Variants in CSNK1A1 observed in about 807,000 individuals in gnomAD.
CSNK1A1 encodes casein kinase I isoform alpha.
Under a neutral mutation model 46.1 loss-of-function variants are expected in CSNK1A1, and 7 were observed. The observed-to-expected ratio is 0.15, with a 90% CI of 0.09 to 0.29. The LOEUF (loss-of-function observed/expected upper bound fraction) is 0.29. Among genes scored for constraint, CSNK1A1 ranks in the 10% least tolerant of loss-of-function variants. The pLI is 1.00. For synonymous variants in CSNK1A1, 137 were observed against 141.5 expected, an observed-to-expected ratio of 0.97 and a Z score of 0.23; for missense variants, 96 against 417.1, an observed-to-expected ratio of 0.23 and a Z score of 6.71.
intron 9 of CSNK1A1, chr5:149,503,957 T>C (rs1760951742): frequency 1.0e-6 from 1 of 985,388 alleles, no homozygotes; most frequent in Non-Finnish European, 1.2e-6. Context: ...ATACTATAGG[T>C]TGTCAGGTGT....
At chr5:149,542,648 A>ATATATGTATG (rs1762318572) in intron 2 of CSNK1A1, among the ~76,000 whole-genome samples, 1 of 5,618 alleles carries the variant, frequency 1.8e-4, no homozygotes, top group Non-Finnish European at 2.7e-4. Flanking sequence ...ATGTATATAT[A>ATATATGTATG]TATATATATA....
chr5:149,521,270 CTTTT>C (rs909460651), intron 3 of CSNK1A1, among the ~76,000 whole-genome samples: 7 of 123,930 alleles, frequency 5.6e-5, no homozygotes, highest in Admixed American at 4.1e-4. Context: ...ATTTACTCTT[CTTTT>C]TTTTTTTTTT....
At chr5:149,542,614 A>T (rs1361533575) in intron 2 of CSNK1A1, among the ~76,000 whole-genome samples, 9 of 11,856 alleles carry the variant, frequency 7.6e-4, no homozygotes, top group East Asian at 0.014. Flanking sequence ...ATATATATAT[A>T]TATATATATA....
intron 2 of CSNK1A1, among the ~76,000 whole-genome samples, chr5:149,538,562 G>A (rs914802032): frequency 6.6e-6 from 1 of 152,188 alleles, no homozygotes; most frequent in East Asian, 1.9e-4. Flanking sequence ...TAGGATTTCT[G>A]TAAGTACAGC....
chr5:149,549,527 C>G (rs562679962), intron 2 of CSNK1A1: 2 of 701,704 alleles, frequency 2.9e-6, no homozygotes, highest in South Asian at 1.5e-5. Context: ...AAGGAGGAAT[C>G]AAGGAAGCAT....
At chr5:149,541,283 G>A (rs956400936) in intron 2 of CSNK1A1, among the ~76,000 whole-genome samples, 26 of 151,468 alleles carry the variant, frequency 1.7e-4, no homozygotes, top group African/African-American at 5.1e-4. Context: ...CTCCCGAGTA[G>A]CTGGGATTGC....
chr5:149,539,479 A>G (rs1390862633), intron 2 of CSNK1A1, among the ~76,000 whole-genome samples: 3 of 151,826 alleles, frequency 2.0e-5, no homozygotes, highest in Admixed American at 6.6e-5. Flanking sequence ...AAAAAAAAAA[A>G]AAAGAAAGAA....
rs150989849 is a variant in CSNK1A1, at chr5:149,544,758, T to TATATATATATATATATATATACAC, written c.230+5316_230+5317insGTGTATATATATATATATATATAT. On this transcript the variant is annotated intron_variant, in intron 2 of 9. Coordinates refer to ENST00000377843, the MANE Select transcript of CSNK1A1 (RefSeq NM_001892.6). ...AGCTTTATATATATATATATATATA[T>TATATATATATATATATATATACAC]ATATATAGTTATTGACCAATCATGT... 2.0e-3 allele frequency among the ~76,000 whole-genome samples: 259 copies of TATATATATATATATATATATACAC among 129,232 alleles called. 9 individuals are homozygous for TATATATATATATATATATATACAC. Among genetic ancestry groups the TATATATATATATATATATATACAC allele is most frequent in the African/African-American group, 7.6e-3 (241 of 31,510 alleles). 84.8% of individuals were successfully genotyped at this position (129,232 alleles called of 152,430 possible).
At chr5:149,497,166 A>G in intron 9 of CSNK1A1, 1 of 1,115,132 alleles carries the variant, frequency 9.0e-7, no homozygotes, top group Non-Finnish European at 1.1e-6. Context: ...ACATATGCAG[A>G]ACATATTAGG....
rs1762334863 is a variant in CSNK1A1 at position 149,542,678 on chromosome 5, A to ATG, written c.230+7396_230+7397insCA. Among the ~76,000 whole-genome samples the ATG allele has an allele frequency of 4.1e-3, 46 of 11,148 alleles. 1 individual carries two copies. The highest frequency in any genetic ancestry group is 0.022 in the African/African-American group (45 of 2,082). 7.3% of individuals were successfully genotyped at this position (11,148 alleles called of 152,430 possible). A position where few individuals can be genotyped will look rare whatever the true frequency, so the allele number is the denominator to read the frequency against. ...TATATATATATATATATATGTATAT[A>ATG]TATATATATATATATTTTTTTTTTT... On this transcript the variant is annotated intron_variant, in intron 2 of 9. Transcript: ENST00000377843.
chr5:149,498,198 TAATA>T (rs1486214573), intron 9 of CSNK1A1: 10 of 985,116 alleles, frequency 1.0e-5, no homozygotes, highest in Non-Finnish European at 1.2e-5. Context: ...AAAATAATTC[TAATA>T]TTTATTTCTT....
intron 6 of CSNK1A1, 49 bp from the exon 7 acceptor site, chr5:149,510,002 G>T: frequency 9.2e-6 from 12 of 1,299,838 alleles, no homozygotes; most frequent in Non-Finnish European, 1.3e-5. Context: ...CTACTGAGAA[G>T]AACCATGGTA....
At chr5:149,532,689 C>T (rs1761940682) in intron 2 of CSNK1A1, among the ~76,000 whole-genome samples, 2 of 152,084 alleles carry the variant, frequency 1.3e-5, no homozygotes, top group African/African-American at 4.8e-5. Flanking sequence ...ACTCCATCTA[C>T]CCCCCACAAA....
intron 9 of CSNK1A1, chr5:149,502,102 C>A: frequency 1.0e-5 from 10 of 982,856 alleles, no homozygotes; most frequent in Non-Finnish European, 1.1e-5. Context: ...GCTAGATAAG[C>A]CAGACTTAAA....
At chr5:149,541,885 C>T (rs1237227206) in intron 2 of CSNK1A1, among the ~76,000 whole-genome samples, 1 of 143,078 alleles carries the variant, frequency 7.0e-6, no homozygotes, top group Admixed American at 7.5e-5. Flanking sequence ...GCAGGAGAAT[C>T]ACTTGAACCT....
chr5:149,549,492 A>C (rs1237844848), intron 2 of CSNK1A1: 1 of 702,410 alleles, frequency 1.4e-6, no homozygotes. Flanking sequence ...GGCTTTTCAA[A>C]GGTTTAATCC....
chr5:149,511,683 T>C (rs917394720), intron 6 of CSNK1A1, 111 bp downstream of exon 6: 6 of 744,078 alleles, frequency 8.1e-6, no homozygotes, highest in Non-Finnish European at 1.1e-5. Context: ...TAATTCTTTA[T>C]ATCTCAGAAA....
chr5:149,542,807 T>C (rs1251347531), intron 2 of CSNK1A1, among the ~76,000 whole-genome samples: 2 of 145,170 alleles, frequency 1.4e-5, no homozygotes, highest in Admixed American at 1.4e-4. Flanking sequence ...GCAATTCTCC[T>C]GACTCAGCCT....
chr5:149,528,497 G>A (rs936715964), intron 2 of CSNK1A1, among the ~76,000 whole-genome samples: 2 of 152,166 alleles, frequency 1.3e-5, no homozygotes, highest in Non-Finnish European at 2.9e-5. Context: ...AACTCATTCA[G>A]ACATTATCAC....
Sources: allele counts gnomAD v4.1 joint callset (sites outside exome capture counted in the v4.1 genomes callset), GRCh38; gene constraint gnomAD v4.1.1; transcripts MANE v1.5; gene names NCBI Gene and HGNC (gene_info 2026-07-23, HGNC 2026-07-21).